Variants in GSG1L observed in about 807,000 individuals in gnomAD.
GSG1L encodes germ cell-specific gene 1-like protein.
GSG1L carries 24 observed loss-of-function variants against 42.1 expected under a neutral mutation model. The ratio of observed to expected loss-of-function variants is 0.57; its 90% confidence interval spans 0.41 to 0.80. GSG1L has a LOEUF of 0.80. Among genes scored for constraint, GSG1L ranks in the 30% least tolerant of loss-of-function variants. GSG1L has a pLI of 0.00. For synonymous variants in GSG1L, 215 were observed against 203.5 expected, an observed-to-expected ratio of 1.06 and a Z score of -0.48; for missense variants, 445 against 472.2, an observed-to-expected ratio of 0.94 and a Z score of 0.53.
intron 2 of GSG1L, among the ~76,000 whole-genome samples, chr16:27,919,978 G>T (rs1311722624): frequency 6.6e-6 from 1 of 152,196 alleles, no homozygotes; most frequent in Non-Finnish European, 1.5e-5. Context: ...GGCATGTTCC[G>T]AAGGGGGCTG....
rs1003450356 is a variant in GSG1L, at chr16:27,859,883, T to G, written c.551-14822A>C. ...TTTGCGCAGAAACAGGGTCTCGCTC[T>G]GTTGGCTAGGCTTATCTGGAACTCT... On this transcript the variant is annotated intron_variant, in intron 3 of 6. Coordinates refer to ENST00000447459, the MANE Select transcript of GSG1L (RefSeq NM_001109763.2). Among the ~76,000 whole-genome samples the G allele has an allele frequency of 2.6e-5, 4 of 152,044 alleles. No individual in the cohort carries two copies. The South Asian group carries it at 6.2e-4, about 24-fold the overall frequency.
rs1366316712 is a variant in GSG1L at position 27,807,493 on chromosome 16, G to T, written c.892C>A (p.Pro298Thr). Residue 298 changes from proline to threonine, a missense_variant, in exon 6 of 7, where the codon CCT (proline) becomes ACT (threonine). By Grantham distance (38) the Pro-to-Thr change is conservative (BLOSUM62 -1). Transcript: ENST00000447459. ...FHLDCRHERY[P>T]ARHQPHMADS... The stretch of plus-strand genomic sequence containing the variant: ...CCACAAACAGGCCACTTACGGGCAG[G>T]GTATCTCTCGTGGCGGCAGTCTAAG... 1.2e-6 allele frequency: 2 copies of T among 1,612,626 alleles called. No homozygotes were observed. The highest frequency in any genetic ancestry group is 1.7e-5 in the Admixed American group (1 of 59,950).
At chr16:27,832,790 G>A (rs2140970296) in intron 4 of GSG1L, among the ~76,000 whole-genome samples, 1 of 152,154 alleles carries the variant, frequency 6.6e-6, no homozygotes. Flanking sequence ...GGTGTTTTTT[G>A]CCCACTTTCT....
At chr16:28,061,785 G>A (rs1324232506) in intron 1 of GSG1L, among the ~76,000 whole-genome samples, 1 of 152,240 alleles carries the variant, frequency 6.6e-6, no homozygotes, top group Non-Finnish European at 1.5e-5. Flanking sequence ...GAGCTCACAA[G>A]GTTGTCCCTC....
chr16:27,869,951 ATCTC>A (rs1314192282), intron 3 of GSG1L, among the ~76,000 whole-genome samples: 2 of 35,862 alleles, frequency 5.6e-5, no homozygotes, highest in African/African-American at 1.2e-4. Context: ...GTCTCCCTCC[ATCTC>A]TCTCTCTCCT....
At chr16:27,865,603 A>T (rs2083713991) in intron 3 of GSG1L, among the ~76,000 whole-genome samples, 1 of 141,462 alleles carries the variant, frequency 7.1e-6, no homozygotes, top group Non-Finnish European at 1.5e-5. Context: ...ACACACACAT[A>T]TATATACACA....
At chr16:27,973,543 G>T (rs148152016) in intron 1 of GSG1L, among the ~76,000 whole-genome samples, 4 of 150,180 alleles carry the variant, frequency 2.7e-5, no homozygotes. Context: ...CATGAGACAC[G>T]GTCTTCTGCA....
chr16:27,931,795 T>A (rs778945336), intron 2 of GSG1L, among the ~76,000 whole-genome samples: 87 of 152,266 alleles, frequency 5.7e-4, no homozygotes, highest in Non-Finnish European at 9.7e-4. Flanking sequence ...AACAAGCTCG[T>A]TGTCTATCAC....
chr16:27,937,968 C>T (rs1044790673), intron 2 of GSG1L, among the ~76,000 whole-genome samples: 1 of 152,112 alleles, frequency 6.6e-6, no homozygotes, highest in African/African-American at 2.4e-5. Context: ...GCCCCACCTC[C>T]TAGCTCAGCA....
chr16:28,052,434 C>T (rs1390411266), intron 1 of GSG1L, among the ~76,000 whole-genome samples: 1 of 152,098 alleles, frequency 6.6e-6, no homozygotes, highest in African/African-American at 2.4e-5. Context: ...GGCCCCAGGT[C>T]TCTGCTCTCT....
intron 4 of GSG1L, among the ~76,000 whole-genome samples, chr16:27,829,289 T>C (rs2083250150): frequency 6.6e-6 from 1 of 151,826 alleles, no homozygotes; most frequent in Non-Finnish European, 1.5e-5. Flanking sequence ...AGAGTGAGAG[T>C]TGGCCGGGGG....
intron 1 of GSG1L, among the ~76,000 whole-genome samples, chr16:27,995,781 G>C (rs555878513): frequency 6.6e-6 from 1 of 151,706 alleles, no homozygotes; most frequent in African/African-American, 2.4e-5. Flanking sequence ...CAAGTAGCTG[G>C]GATTACAGGC....
chr16:28,050,855 C>T lies in GSG1L; in HGVS notation c.349+12221G>A, dbSNP rs560987861. 2.0e-5 allele frequency among the ~76,000 whole-genome samples: 3 copies of T among 152,166 alleles called. No homozygotes were observed. The South Asian group carries it at 6.2e-4, about 32-fold the overall frequency. The stretch of plus-strand genomic sequence containing the variant: ...CAATGTATCTGTTCTCATTGTCTGT[C>T]CCCTCCAGAATGCAAGCTCCATAAG... On this transcript the variant is annotated intron_variant, in intron 1 of 6. Coordinates refer to ENST00000447459, the MANE Select transcript of GSG1L (RefSeq NM_001109763.2).
chr16:27,987,911 C>A (rs2085405105), intron 1 of GSG1L, among the ~76,000 whole-genome samples: 1 of 140,866 alleles, frequency 7.1e-6, no homozygotes, highest in Non-Finnish European at 1.5e-5. Flanking sequence ...CGTGCCACTG[C>A]ACTCCAGCCT....
intron 3 of GSG1L, among the ~76,000 whole-genome samples, chr16:27,857,567 C>A (rs1457088303): frequency 6.6e-6 from 1 of 152,060 alleles, no homozygotes; most frequent in Non-Finnish European, 1.5e-5. Context: ...CATAGGGAAA[C>A]CCCATCTCTA....
intron 5 of GSG1L, among the ~76,000 whole-genome samples, chr16:27,828,511 A>AG (rs2083239200): frequency 6.6e-6 from 1 of 152,250 alleles, no homozygotes; most frequent in South Asian, 2.1e-4. Context: ...CAAGAAGCAT[A>AG]GGACCTAATG....
chr16:27,791,465 G>A lies in GSG1L; in HGVS notation c.901C>T (p.His301Tyr). The A allele has an allele frequency of 6.8e-7, 1 of 1,479,728 alleles. No individual in the cohort carries two copies. The highest frequency in any genetic ancestry group is 9.0e-7 in the Non-Finnish European group (1 of 1,109,642). The allele number at this position is 1,479,728 out of a possible 1,614,324, so 91.7% of individuals were successfully genotyped here. Reference sequence around the variant, plus strand: ...CAGGAATCCGCCATGTGTGGCTGGTGTCCTGCCAGGAGACAAGGCGGTCAG... The same window carrying A: ...CAGGAATCCGCCATGTGTGGCTGGTATCCTGCCAGGAGACAAGGCGGTCAG... ...DCRHERYPAR[H>Y]QPHMADSWPR... Residue 301 changes from histidine to tyrosine, a missense_variant and splice_region_variant, in exon 7 of 7, where the codon CAC becomes TAC. By Grantham distance (83) the His-to-Tyr change is moderately conservative. This residue lies in a region of GSG1L where 140 missense variants were observed against 120.6 expected (regional missense o/e 1.16). Transcript: ENST00000447459.
intron 1 of GSG1L, among the ~76,000 whole-genome samples, chr16:28,050,124 G>A (rs1345830483): frequency 1.3e-5 from 2 of 152,016 alleles, no homozygotes; most frequent in Non-Finnish European, 2.9e-5. Context: ...TACCAAAGGA[G>A]ACAAGACAAT....
chr16:27,975,423 T>C (rs1467801526), intron 1 of GSG1L, among the ~76,000 whole-genome samples: 1 of 152,106 alleles, frequency 6.6e-6, no homozygotes. Flanking sequence ...ATCATGCTTA[T>C]TCCTGCACCT....
Sources: allele counts gnomAD v4.1 joint callset (sites outside exome capture counted in the v4.1 genomes callset), GRCh38; gene constraint gnomAD v4.1.1; regional missense constraint gnomAD v4.1.1; transcripts MANE v1.5; gene names NCBI Gene and HGNC (gene_info 2026-07-23, HGNC 2026-07-21).